ROBO2: variants seen among roughly 807,000 people sequenced by gnomAD.
The protein encoded by ROBO2 is roundabout guidance receptor 2, also known as roundabout homolog 2.
In ROBO2, 53 loss-of-function variants were observed where a neutral mutation model predicts 160.8. That is an observed-to-expected ratio of 0.33 (90% confidence interval 0.26 to 0.41). The LOEUF (loss-of-function observed/expected upper bound fraction) is 0.41, where lower values mean the gene tolerates loss of function less well. ROBO2 is among the 10% of genes least tolerant of loss of function. ROBO2 has a pLI of 1.00. For synonymous variants in ROBO2, 664 were observed against 611.7 expected (o/e 1.09, Z -1.26); for missense variants, 1,577 against 1,722.4 (o/e 0.92, Z 1.49).
chr3:77,533,017 A>G (rs751958370), intron 6 of ROBO2, among the ~76,000 whole-genome samples: 2 of 152,004 alleles, frequency 1.3e-5, no homozygotes, highest in Non-Finnish European at 2.9e-5. Context: ...TTTTGCATAG[A>G]TTTTGTTTTG....
Position 75,981,515 on chromosome 3 carries a change from T to TATATAA in ROBO2, c.109+43918_109+43923dup, listed in dbSNP as rs2065273503. Among the ~76,000 whole-genome samples, 4 of 151,200 alleles carry TATATAA rather than the reference T, an allele frequency of 2.6e-5. No individual in the cohort carries two copies. In the South Asian group the frequency reaches 8.3e-4, roughly 31 times the overall value. On this transcript the variant is annotated intron_variant, in intron 2 of 26. Transcript: ENST00000487694. Reference sequence around the variant, plus strand: ...TGTGTGAGAGATGTGGGTTGCAGTTTATATAAATATTTTAGTTAAATATTA... The same window carrying TATATAA: ...TGTGTGAGAGATGTGGGTTGCAGTTTATATAAATATAAATATTTTAGTTAAATATTA...
At chr3:77,022,097 TG>T (rs2062672820) in intron 2 of ROBO2, among the ~76,000 whole-genome samples, 1 of 152,022 alleles carries the variant, frequency 6.6e-6, no homozygotes, top group Non-Finnish European at 1.5e-5. Context: ...AGACCAGGCA[TG>T]GTGGCTTATG....
Position 77,635,057 on chromosome 3 carries a change from C to T in ROBO2, c.3934+14C>T. The T allele has an allele frequency of 6.2e-7, 1 of 1,613,604 alleles. No homozygotes were observed. Among genetic ancestry groups the T allele is most frequent in the Non-Finnish European group, 8.5e-7 (1 of 1,179,710 alleles). On this transcript the variant is annotated intron_variant, in intron 24 of 25. Transcript: ENST00000461745. Reference sequence around the variant, plus strand: ...GAATGACAGATGGTAGGTTTCTTCCCTTTACTCTTGTTTCCTCGCTGAAGA... The same window carrying T: ...GAATGACAGATGGTAGGTTTCTTCCTTTTACTCTTGTTTCCTCGCTGAAGA...
intron 2 of ROBO2, among the ~76,000 whole-genome samples, chr3:77,205,402 T>C (rs1176544618): frequency 6.6e-6 from 1 of 151,858 alleles, no homozygotes; most frequent in Non-Finnish European, 1.5e-5. Context: ...CCTTCTCTTC[T>C]CTCTCTTTCT....
intron 2 of ROBO2, among the ~76,000 whole-genome samples, chr3:76,658,532 T>A (rs1327701668): frequency 6.6e-6 from 1 of 152,146 alleles, no homozygotes; most frequent in African/African-American, 2.4e-5. Context: ...TTCCCCTCCC[T>A]GTGTCCATGT....
intron 2 of ROBO2, among the ~76,000 whole-genome samples, chr3:76,195,971 G>T (rs1052418742): frequency 6.6e-6 from 1 of 152,100 alleles, no homozygotes; most frequent in African/African-American, 2.4e-5. Context: ...CCCTCAAGAA[G>T]TTTCCCTTCT....
chr3:76,396,579 G>A (rs942759441), intron 2 of ROBO2, among the ~76,000 whole-genome samples: 1 of 152,058 alleles, frequency 6.6e-6, no homozygotes, highest in Non-Finnish European at 1.5e-5. Flanking sequence ...AAACCCCATT[G>A]TCTCAGCCCA....
chr3:76,485,291 A>G (rs578120492), intron 2 of ROBO2, among the ~76,000 whole-genome samples: 61 of 152,070 alleles, frequency 4.0e-4, no homozygotes, highest in African/African-American at 1.3e-3. Flanking sequence ...AGATTCTCAC[A>G]AGGAGCACGC....
intron 2 of ROBO2, among the ~76,000 whole-genome samples, chr3:76,761,855 A>C (rs2061326526): frequency 6.6e-6 from 1 of 151,690 alleles, no homozygotes; most frequent in African/African-American, 2.4e-5. Flanking sequence ...GAGGATAGAA[A>C]GGTTTTTTGA....
chr3:77,459,758 C>A (rs2082044640), intron 2 of ROBO2, among the ~76,000 whole-genome samples: 2 of 151,836 alleles, frequency 1.3e-5, no homozygotes, highest in Non-Finnish European at 2.9e-5. Flanking sequence ...CACAGGCCAA[C>A]TAAATAATGT....
chr3:76,967,924 C>A (rs1346446287), intron 2 of ROBO2, among the ~76,000 whole-genome samples: 2 of 152,152 alleles, frequency 1.3e-5, no homozygotes, highest in African/African-American at 4.8e-5. Flanking sequence ...ATTTCAGCCA[C>A]AAGAAATGGA....
At chr3:77,239,290 G>C (rs187949789) in intron 2 of ROBO2, among the ~76,000 whole-genome samples, 3 of 151,882 alleles carry the variant, frequency 2.0e-5, no homozygotes, top group African/African-American at 7.3e-5. Context: ...GAGTGTTGCA[G>C]CTCTTAAGGC....
At chr3:77,099,732 C>G (rs897715172) in intron 2 of ROBO2, among the ~76,000 whole-genome samples, 1 of 151,846 alleles carries the variant, frequency 6.6e-6, no homozygotes, top group African/African-American at 2.4e-5. Flanking sequence ...TTTTTTTCCC[C>G]CAACAGACCC....
chr3:76,678,578 A>C (rs1334102168), intron 2 of ROBO2, among the ~76,000 whole-genome samples: 1 of 152,186 alleles, frequency 6.6e-6, no homozygotes, highest in Non-Finnish European at 1.5e-5. Flanking sequence ...GTTTTTATTT[A>C]TAGGATCTAT....
intron 2 of ROBO2, among the ~76,000 whole-genome samples, chr3:76,191,566 C>G (rs762539000): frequency 6.6e-6 from 1 of 151,998 alleles, no homozygotes; most frequent in South Asian, 2.1e-4. Context: ...GTATATTCTT[C>G]TTTTTTATTC....
At chr3:77,208,688 C>A (rs540577311) in intron 2 of ROBO2, among the ~76,000 whole-genome samples, 158 of 152,200 alleles carry the variant, frequency 1.0e-3, no homozygotes, top group African/African-American at 3.6e-3. Context: ...TGGTTCTATG[C>A]CTTATGATAC....
chr3:77,101,958 C>G (rs1023473284), intron 2 of ROBO2, among the ~76,000 whole-genome samples: 2 of 152,056 alleles, frequency 1.3e-5, no homozygotes, highest in Admixed American at 6.6e-5. Context: ...GAGAATCACT[C>G]GAACCCAGGA....
At chr3:76,462,592 A>G (rs1267629910) in intron 2 of ROBO2, among the ~76,000 whole-genome samples, 1 of 148,764 alleles carries the variant, frequency 6.7e-6, no homozygotes, top group Non-Finnish European at 1.5e-5. Context: ...CATGTACCCT[A>G]AAACTTAAAG....
At chr3:76,779,331 T>G (rs2062482597) in intron 2 of ROBO2, among the ~76,000 whole-genome samples, 1 of 150,974 alleles carries the variant, frequency 6.6e-6, no homozygotes, top group Non-Finnish European at 1.5e-5. Context: ...CCTTTATTAT[T>G]ATTACTGAAA....
Sources: allele counts gnomAD v4.1 joint callset (sites outside exome capture counted in the v4.1 genomes callset), GRCh38; gene constraint gnomAD v4.1.1; transcripts MANE v1.5; gene names NCBI Gene and HGNC (gene_info 2026-07-23, HGNC 2026-07-21).